The following DAB1 variants were observed in gnomAD, a reference collection of about 807,000 sequenced individuals.
DAB1 encodes the protein disabled homolog 1.
In DAB1, 15 loss-of-function variants were observed where a neutral mutation model predicts 64.6. The ratio of observed to expected loss-of-function variants is 0.23; its 90% confidence interval spans 0.16 to 0.36. The LOEUF (loss-of-function observed/expected upper bound fraction) is 0.36, where lower values mean the gene tolerates loss of function less well. DAB1 is among the 10% of genes least tolerant of loss of function. The pLI is 1.00. For synonymous variants in DAB1, 235 were observed against 251.9 expected (o/e 0.93, Z 0.64); for missense variants, 596 against 706.7 (o/e 0.84, Z 1.78).
At chr1:58,017,238 C>T (rs764785891) in intron 5 of DAB1, among the ~76,000 whole-genome samples, 3 of 151,862 alleles carry the variant, frequency 2.0e-5, no homozygotes, top group Non-Finnish European at 2.9e-5. Context: ...TGGCAAAAAG[C>T]CCATGACAAA....
chr1:57,157,028 G>A (rs966591617), intron 2 of DAB1, among the ~76,000 whole-genome samples: 2 of 152,170 alleles, frequency 1.3e-5, no homozygotes, highest in Non-Finnish European at 2.9e-5. Context: ...AAGGCAATTA[G>A]CATTTTTTAT....
chr1:57,877,545 A>ATTTTTTTT (rs58070219), intron 1 of DAB1, among the ~76,000 whole-genome samples: 3 of 65,084 alleles, frequency 4.6e-5, no homozygotes, highest in African/African-American at 9.7e-5. Context: ...TAATTGATTT[A>ATTTTTTTT]TTTTTTTTTT....
At position 58,062,871 on chromosome 1, in the gene DAB1, T is replaced by G. The variant is rs745728090; in HGVS notation, n.387+87640A>C. Among the ~76,000 whole-genome samples the G allele has an allele frequency of 5.3e-5, 8 of 152,238 alleles. No individual in the cohort carries two copies. In the South Asian group the frequency reaches 1.0e-3, roughly 20 times the overall value. On this transcript the variant is annotated intron_variant and non_coding_transcript_variant, in intron 5 of 20. Transcript: ENST00000485760. ...CAAGAAATGTCAAGAAAGCACACAA[T>G]GAGACAATTGCATGTGAACATGGAT...
rs572407436 is a variant in DAB1 at position 58,070,404 on chromosome 1, G to A, written n.387+80107C>T. 1.2e-4 allele frequency among the ~76,000 whole-genome samples: 19 copies of A among 152,330 alleles called. No individual in the cohort carries two copies. In the South Asian group the frequency reaches 3.9e-3, roughly 32 times the overall value. On this transcript the variant is annotated intron_variant and non_coding_transcript_variant, in intron 5 of 20. Coordinates refer to the DAB1 transcript ENST00000485760. The stretch of plus-strand genomic sequence containing the variant: ...TTTGGTCATCACAACAACCCCATGA[G>A]AGAGGGATACATACTTGCGATTTGT...
At chr1:58,471,433 G>A (rs1306357210) in intron 3 of DAB1, among the ~76,000 whole-genome samples, 2 of 152,136 alleles carry the variant, frequency 1.3e-5, no homozygotes, top group Non-Finnish European at 2.9e-5. Flanking sequence ...TAGGTGAACA[G>A]CATTACATAA....
intron 3 of DAB1, among the ~76,000 whole-genome samples, chr1:58,486,345 C>T (rs765755471): frequency 3.0e-4 from 46 of 152,052 alleles, no homozygotes; most frequent in Admixed American, 1.6e-3. Flanking sequence ...GAATTAAAAC[C>T]GAAGACTCCT....
At chr1:58,018,447 A>G (rs909479096) in intron 5 of DAB1, among the ~76,000 whole-genome samples, 1 of 152,048 alleles carries the variant, frequency 6.6e-6, no homozygotes, top group Non-Finnish European at 1.5e-5. Flanking sequence ...CTCCCTCTCC[A>G]TGCTGTATGT....
At chr1:58,521,404 A>G in intron 2 of DAB1, among the ~76,000 whole-genome samples, 1 of 152,084 alleles carries the variant, frequency 6.6e-6, no homozygotes, top group Non-Finnish European at 1.5e-5. Flanking sequence ...TGAAACCCAA[A>G]AAATGAATGC....
chr1:58,270,384 C>A (rs1156567090), intron 4 of DAB1, among the ~76,000 whole-genome samples: 26 of 132,184 alleles, frequency 2.0e-4, no homozygotes, highest in Admixed American at 7.0e-4. Context: ...TGATCTATAT[C>A]TCTGTTTTGG....
intron 10 of DAB1, among the ~76,000 whole-genome samples, 149 bp downstream of exon 10, chr1:57,025,828 CTAGT>C (rs920746493): frequency 3.3e-5 from 5 of 152,176 alleles, no homozygotes; most frequent in South Asian, 2.1e-4. Context: ...ATCAGAATGA[CTAGT>C]TAGTTTGTCC....
intron 7 of DAB1, among the ~76,000 whole-genome samples, chr1:57,472,181 T>G (rs900247785): frequency 6.6e-6 from 1 of 152,268 alleles, no homozygotes; most frequent in African/African-American, 2.4e-5. Context: ...TTCTTTTCCC[T>G]GCACATGTTC....
At chr1:58,488,977 C>A (rs1169182224) in intron 3 of DAB1, among the ~76,000 whole-genome samples, 1 of 152,196 alleles carries the variant, frequency 6.6e-6, no homozygotes, top group Non-Finnish European at 1.5e-5. Context: ...CCAAGATGGC[C>A]AAATAGGAAC....
intron 6 of DAB1, among the ~76,000 whole-genome samples, chr1:57,785,380 G>A (rs986007832): frequency 6.6e-6 from 1 of 152,118 alleles, no homozygotes; most frequent in Non-Finnish European, 1.5e-5. Context: ...ATAAGGATAT[G>A]GATGCATAGA....
At chr1:57,963,009 T>C (rs1252823143) in intron 5 of DAB1, among the ~76,000 whole-genome samples, 1 of 152,200 alleles carries the variant, frequency 6.6e-6, no homozygotes, top group Admixed American at 6.5e-5. Context: ...CCCCTCCTTT[T>C]GCCCACCTTT....
chr1:58,117,643 A>G (rs1215745442), intron 5 of DAB1, among the ~76,000 whole-genome samples: 2 of 152,180 alleles, frequency 1.3e-5, no homozygotes, highest in Non-Finnish European at 2.9e-5. Flanking sequence ...AAGCATCAAC[A>G]TATTATCCCA....
intron 2 of DAB1, among the ~76,000 whole-genome samples, chr1:57,198,647 TCTCACA>T (rs1483750237): frequency 1.2e-4 from 13 of 112,850 alleles, no homozygotes; most frequent in Admixed American, 9.2e-4. Flanking sequence ...ATCTTCTCTC[TCTCACA>T]CACACACACA....
chr1:58,512,328 G>T (rs1449358906), intron 2 of DAB1, among the ~76,000 whole-genome samples: 1 of 152,086 alleles, frequency 6.6e-6, no homozygotes, highest in Non-Finnish European at 1.5e-5. Context: ...TGGACTTTAT[G>T]AAAAACAATA....
chr1:57,748,171 G>A (rs923660659), intron 6 of DAB1, among the ~76,000 whole-genome samples: 1 of 152,126 alleles, frequency 6.6e-6, no homozygotes, highest in Non-Finnish European at 1.5e-5. Context: ...GCAAAGAAGT[G>A]GTAGATGTAA....
chr1:58,126,057 C>A (rs538948891), intron 5 of DAB1, among the ~76,000 whole-genome samples: 1 of 152,092 alleles, frequency 6.6e-6, no homozygotes, highest in Non-Finnish European at 1.5e-5. Context: ...CCCCTTCCAC[C>A]CTCTAACATT....
Sources: allele counts gnomAD v4.1 joint callset (sites outside exome capture counted in the v4.1 genomes callset), GRCh38; gene constraint gnomAD v4.1.1; transcripts MANE v1.5; gene names NCBI Gene and HGNC (gene_info 2026-07-23, HGNC 2026-07-21).